LIMD1: variants seen among roughly 807,000 people sequenced by gnomAD.
LIMD1 encodes the protein LIM domain containing 1.
Under a neutral mutation model 58.4 loss-of-function variants are expected in LIMD1, and 23 were observed. That is an observed-to-expected ratio of 0.39 (90% CI 0.28 to 0.56). The LOEUF (loss-of-function observed/expected upper bound fraction) is 0.56, where lower values mean the gene tolerates loss of function less well. Ranked by LOEUF, LIMD1 falls within the 20% of genes least tolerant of loss-of-function variation. LIMD1 has a pLI of 0.57. For missense variants in LIMD1, 838 were observed against 855.5 expected (o/e 0.98, Z 0.25); for synonymous variants, 334 against 345.5 (o/e 0.97, Z 0.37).
intron 1 of LIMD1, among the ~76,000 whole-genome samples, chr3:45,609,499 C>G (rs1046002890): frequency 3.3e-5 from 5 of 152,158 alleles, no homozygotes; most frequent in African/African-American, 9.7e-5. Flanking sequence ...TGTGCCACCG[C>G]GCCTGGCTCT....
intron 1 of LIMD1, among the ~76,000 whole-genome samples, chr3:45,605,459 C>T (rs1183265685): frequency 6.6e-6 from 1 of 152,230 alleles, no homozygotes; most frequent in Non-Finnish European, 1.5e-5. Flanking sequence ...ACCTTCCATT[C>T]TTAGAATAAT....
chr3:45,624,439 G>T (rs373361710), intron 1 of LIMD1, among the ~76,000 whole-genome samples: 1 of 152,158 alleles, frequency 6.6e-6, no homozygotes, highest in Non-Finnish European at 1.5e-5. Context: ...CAGGCGCGGT[G>T]TCTCACGCCT....
chr3:45,630,730 T>C (rs1701719990), intron 1 of LIMD1, among the ~76,000 whole-genome samples: 3 of 151,892 alleles, frequency 2.0e-5, no homozygotes, highest in African/African-American at 7.3e-5. Flanking sequence ...TTGGGGGGCA[T>C]GTGTGGCAGG....
At chr3:45,665,832 T>C in intron 3 of LIMD1, 115 bp downstream of exon 3, 1 of 849,868 alleles carries the variant, frequency 1.2e-6, no homozygotes, top group Non-Finnish European at 1.9e-6. Context: ...AGAGGGGCCC[T>C]GCCTTTCCTT....
At chr3:45,660,761 C>T (rs906167573) in intron 2 of LIMD1, among the ~76,000 whole-genome samples, 1 of 152,130 alleles carries the variant, frequency 6.6e-6, no homozygotes, top group African/African-American at 2.4e-5. Flanking sequence ...TGGGGAGGGA[C>T]AGAGGGCAGC....
At chr3:45,607,342 G>C (rs1023709609) in intron 1 of LIMD1, among the ~76,000 whole-genome samples, 7 of 152,016 alleles carry the variant, frequency 4.6e-5, no homozygotes, top group African/African-American at 1.4e-4. Flanking sequence ...TGTTTCAAAG[G>C]GAGTTCTTGG....
chr3:45,673,950 T>G (rs886189510), intron 6 of LIMD1: 1 of 254,982 alleles, frequency 3.9e-6, no homozygotes, highest in Admixed American at 4.8e-5. Flanking sequence ...TCACCCTTCC[T>G]TGTTGACTGG....
intron 1 of LIMD1, among the ~76,000 whole-genome samples, chr3:45,603,794 G>A (rs1701441544): frequency 6.6e-6 from 1 of 152,118 alleles, no homozygotes; most frequent in Non-Finnish European, 1.5e-5. Context: ...GAGCCACTGT[G>A]CCCAGCCCAT....
intron 2 of LIMD1, among the ~76,000 whole-genome samples, chr3:45,658,904 G>T (rs6780893): frequency 0.024 from 3,593 of 152,052 alleles, 141 homozygotes; most frequent in African/African-American, 0.08. Context: ...GCCACTCATG[G>T]GCAGATTTCC....
intron 7 of LIMD1, among the ~76,000 whole-genome samples, chr3:45,676,615 C>T (rs1405809422): frequency 1.3e-5 from 2 of 152,160 alleles, no homozygotes; most frequent in African/African-American, 2.4e-5. Context: ...CATCCATGTC[C>T]CTGCAAAGGA....
chr3:45,657,267 T>C (rs1697349449), intron 2 of LIMD1, among the ~76,000 whole-genome samples: 1 of 152,200 alleles, frequency 6.6e-6, no homozygotes, highest in East Asian at 1.9e-4. Context: ...TACATCTAAA[T>C]GCCTGTCATC....
At chr3:45,637,403 C>T (rs1390077847) in intron 2 of LIMD1, among the ~76,000 whole-genome samples, 1 of 151,982 alleles carries the variant, frequency 6.6e-6, no homozygotes, top group Non-Finnish European at 1.5e-5. Context: ...GCTACAGCCT[C>T]CCGAGTAGCT....
intron 2 of LIMD1, among the ~76,000 whole-genome samples, chr3:45,639,272 A>G (rs945135145): frequency 6.6e-6 from 1 of 152,052 alleles, no homozygotes; most frequent in African/African-American, 2.4e-5. Context: ...TACTTGCTCT[A>G]TTTTTCAGGA....
At chr3:45,597,086 T>G (rs1290182216) in intron 1 of LIMD1, among the ~76,000 whole-genome samples, 1 of 151,892 alleles carries the variant, frequency 6.6e-6, no homozygotes, top group Admixed American at 6.6e-5. Flanking sequence ...GTTCTCAATC[T>G]CCTGACCTCG....
intron 1 of LIMD1, among the ~76,000 whole-genome samples, chr3:45,627,706 C>CAAAAAAA (rs35897504): frequency 1.0e-5 from 1 of 97,200 alleles, no homozygotes; most frequent in Non-Finnish European, 2.0e-5. Flanking sequence ...CTAAAACAAC[C>CAAAAAAA]AAAAAAAAAA....
chr3:45,616,245 A>G (rs1394493165), intron 1 of LIMD1, among the ~76,000 whole-genome samples: 1 of 152,084 alleles, frequency 6.6e-6, no homozygotes, highest in African/African-American at 2.4e-5. Context: ...ATCTCTTGCC[A>G]GCTGCCCCCA....
intron 7 of LIMD1, among the ~76,000 whole-genome samples, chr3:45,674,785 C>G (rs947869436): frequency 2.0e-5 from 3 of 152,122 alleles, no homozygotes; most frequent in Admixed American, 1.3e-4. Context: ...GCAGGCTGTT[C>G]TATCTGCCTG....
intron 2 of LIMD1, among the ~76,000 whole-genome samples, chr3:45,645,338 G>T (rs72882559): frequency 1.2e-4 from 18 of 152,330 alleles, no homozygotes; most frequent in African/African-American, 4.3e-4. Context: ...AAGACCATCA[G>T]ATTCCTTTGT....
At position 45,672,775 on chromosome 3, in the gene LIMD1, C is replaced by T. The variant is rs145789668; in HGVS notation, c.1727C>T (p.Thr576Ile). Residue 576 changes from threonine to isoleucine, a missense_variant, in exon 5 of 8, where the codon ACC (threonine) becomes ATC (isoleucine). Physicochemically the swap from Thr to Ile is moderately conservative, Grantham distance 89. Coordinates refer to ENST00000273317, the MANE Select transcript of LIMD1 (RefSeq NM_014240.3). ...GAGTGTTTGGATGGGGTGCCCTTCACCGTGGACTCAGAGAACAAGATCTAC... is the reference window on the plus strand; with the variant it reads ...GAGTGTTTGGATGGGGTGCCCTTCATCGTGGACTCAGAGAACAAGATCTAC... ...CNECLDGVPF[T>I]VDSENKIYCV... The T allele has an allele frequency of 8.1e-5, 130 of 1,614,084 alleles. No homozygotes were observed. The highest frequency in any genetic ancestry group is 1.1e-4 in the Non-Finnish European group (130 of 1,179,998).
Sources: allele counts gnomAD v4.1 joint callset (sites outside exome capture counted in the v4.1 genomes callset), GRCh38; gene constraint gnomAD v4.1.1; transcripts MANE v1.5; gene names NCBI Gene and HGNC (gene_info 2026-07-23, HGNC 2026-07-21).